The following MAD1L1 variants were observed in gnomAD, a reference collection of about 807,000 sequenced individuals.
The protein encoded by MAD1L1 is mitotic arrest deficient 1 like 1.
MAD1L1 carries 95 observed loss-of-function variants against 96.9 expected under a neutral mutation model. The ratio of observed to expected loss-of-function variants is 0.98; its 90% confidence interval spans 0.83 to 1.16. The LOEUF (loss-of-function observed/expected upper bound fraction) is 1.16. Ranked by LOEUF, MAD1L1 falls within the 50% of genes most tolerant of loss-of-function variation. The probability of loss-of-function intolerance (pLI) is 0.00; values close to 1 mark genes in which losing one functional copy is unlikely to be tolerated. For synonymous variants in MAD1L1, 473 were observed against 396.6 expected, an observed-to-expected ratio of 1.19 and a Z score of -2.29; for missense variants, 1,007 against 954.4, an observed-to-expected ratio of 1.06 and a Z score of -0.73.
chr7:2,218,050 A>T lies in MAD1L1; in HGVS notation c.597-7T>A. 1 of 1,609,616 alleles carries T rather than the reference A, an allele frequency of 6.2e-7. No individual in the cohort carries two copies. Among genetic ancestry groups the T allele is most frequent in the South Asian group, 1.1e-5 (1 of 91,002 alleles). On this transcript the variant is annotated splice_region_variant and splice_polypyrimidine_tract_variant and intron_variant, in intron 6 of 18. Coordinates refer to ENST00000265854, the MANE Select transcript of MAD1L1 (RefSeq NM_001013836.2). ...ATTGGCTTCCTGGCATTTTCTATTGAAAGAAAAATACATCACACACAGAAA... is the reference window on the plus strand; with the variant it reads ...ATTGGCTTCCTGGCATTTTCTATTGTAAGAAAAATACATCACACACAGAAA...
At chr7:1,843,751 G>C (rs1037097325) in intron 18 of MAD1L1, among the ~76,000 whole-genome samples, 2 of 152,198 alleles carry the variant, frequency 1.3e-5, no homozygotes, top group Non-Finnish European at 2.9e-5. Context: ...ACCCAGGAGA[G>C]CCCGCTGCAA....
At chr7:2,097,686 G>A (rs764033938) in intron 11 of MAD1L1, among the ~76,000 whole-genome samples, 3 of 152,192 alleles carry the variant, frequency 2.0e-5, no homozygotes, top group Non-Finnish European at 4.4e-5. Context: ...AGAAGGGCAC[G>A]CCCCTGGCAC....
At chr7:2,044,304 A>G (rs1457525548) in intron 12 of MAD1L1, among the ~76,000 whole-genome samples, 1 of 152,182 alleles carries the variant, frequency 6.6e-6, no homozygotes, top group East Asian at 1.9e-4. Context: ...GACACAGACG[A>G]ATGACTTCGG....
At chr7:2,053,414 ACTC>A (rs1277160332) in intron 12 of MAD1L1, among the ~76,000 whole-genome samples, 2 of 152,184 alleles carry the variant, frequency 1.3e-5, no homozygotes, top group African/African-American at 4.8e-5. Context: ...CCAGGCATTT[ACTC>A]AGAGCCTGCT....
intron 11 of MAD1L1, among the ~76,000 whole-genome samples, chr7:2,144,425 T>C (rs4721441): frequency 0.34 from 51,091 of 152,010 alleles, 8,930 homozygotes; most frequent in East Asian, 0.52. Flanking sequence ...CAAAGCACGG[T>C]CTTATTTCCA....
rs1012522579 is a variant in MAD1L1 at position 2,146,871 on chromosome 7, G to A, written c.1073+2281C>T. ...CGCCACGGCAGGCCGCGACGAACAC[G>A]GTGTCCCGCCACGGAAGAGAGCAGC... On this transcript the variant is annotated intron_variant, in intron 11 of 18. Transcript: ENST00000265854. The surrounding 1 kb of genome is among the most constrained non-coding windows in gnomAD (Gnocchi z 6.2). Among the ~76,000 whole-genome samples, 4 of 152,178 alleles carry A rather than the reference G, an allele frequency of 2.6e-5. No individual in the cohort carries two copies. The highest frequency in any genetic ancestry group is 7.2e-5 in the African/African-American group (3 of 41,434).
intron 10 of MAD1L1, among the ~76,000 whole-genome samples, chr7:2,207,725 T>A (rs992408682): frequency 2.0e-5 from 3 of 152,202 alleles, no homozygotes; most frequent in African/African-American, 7.2e-5. Context: ...AGCCAATTAA[T>A]GAAACCCAAG....
chr7:2,082,463 G>A (rs1281704902), intron 11 of MAD1L1, among the ~76,000 whole-genome samples: 2 of 152,168 alleles, frequency 1.3e-5, no homozygotes, highest in Admixed American at 6.5e-5. Flanking sequence ...AGCTGCTGTC[G>A]GAGCCGTGAC....
intron 16 of MAD1L1, among the ~76,000 whole-genome samples, chr7:1,956,322 C>T (rs1186116454): frequency 2.6e-5 from 4 of 152,102 alleles, no homozygotes; most frequent in East Asian, 3.9e-4. Context: ...CTCCACAGGC[C>T]GAACCCCAGT....
At chr7:2,084,799 G>A (rs527371522) in intron 11 of MAD1L1, among the ~76,000 whole-genome samples, 2 of 152,318 alleles carry the variant, frequency 1.3e-5, no homozygotes, top group Admixed American at 1.3e-4. Flanking sequence ...AAAGGAAGGA[G>A]CCGTGACAAA....
intron 1 of MAD1L1, among the ~76,000 whole-genome samples, chr7:2,232,555 G>A (rs1226910992): frequency 6.6e-6 from 1 of 152,212 alleles, no homozygotes; most frequent in Non-Finnish European, 1.5e-5. Flanking sequence ...CCGGGGCTGG[G>A]ACCACGAGCA....
At chr7:2,128,252 C>A (rs891780538) in intron 11 of MAD1L1, among the ~76,000 whole-genome samples, 1 of 152,158 alleles carries the variant, frequency 6.6e-6, no homozygotes, top group African/African-American at 2.4e-5. Context: ...GTCACTGAAT[C>A]GCATTTGTCA....
At chr7:2,101,034 C>G (rs1290005671) in intron 11 of MAD1L1, among the ~76,000 whole-genome samples, 1 of 152,240 alleles carries the variant, frequency 6.6e-6, no homozygotes, top group Non-Finnish European at 1.5e-5. Context: ...TAATTAACCA[C>G]TTTCCCCATC....
intron 10 of MAD1L1, among the ~76,000 whole-genome samples, chr7:2,159,618 CA>C (rs752265524): frequency 2.8e-4 from 43 of 152,086 alleles, no homozygotes; most frequent in Non-Finnish European, 5.0e-4. Flanking sequence ...AATACGTTTT[CA>C]ATAAATACTA....
At chr7:2,026,773 G>A (rs768464368) in intron 12 of MAD1L1, among the ~76,000 whole-genome samples, 2 of 152,162 alleles carry the variant, frequency 1.3e-5, no homozygotes, top group Non-Finnish European at 2.9e-5. Context: ...ACATCAAAAC[G>A]TACGGTATGC....
chr7:2,021,743 C>T (rs1050371554), intron 12 of MAD1L1, among the ~76,000 whole-genome samples: 1 of 151,294 alleles, frequency 6.6e-6, no homozygotes, highest in Non-Finnish European at 1.5e-5. Context: ...CCAGCCTGGG[C>T]AACAGAGTGA....
chr7:2,044,952 C>A (rs1783855816), intron 12 of MAD1L1, among the ~76,000 whole-genome samples: 1 of 152,212 alleles, frequency 6.6e-6, no homozygotes, highest in Non-Finnish European at 1.5e-5. Flanking sequence ...TGAGCAGCAG[C>A]AACCATTCTC....
At chr7:1,950,155 G>T (rs1334100836) in intron 16 of MAD1L1, among the ~76,000 whole-genome samples, 1 of 152,224 alleles carries the variant, frequency 6.6e-6, no homozygotes, top group Non-Finnish European at 1.5e-5. Flanking sequence ...AGACGCAGGG[G>T]TCTGGCAGAG....
intron 10 of MAD1L1, among the ~76,000 whole-genome samples, chr7:2,210,444 G>A (rs973479695): frequency 1.5e-4 from 21 of 138,534 alleles, no homozygotes; most frequent in East Asian, 4.2e-4. Context: ...CCGCATTCCC[G>A]TGGACTCTCT....
Sources: gnomAD v4.1 joint callset for allele counts (sites outside exome capture counted in the v4.1 genomes callset) on GRCh38, gnomAD v4.1.1 for gene constraint, Gnocchi (gnomAD v3.1) non-coding constraint, MANE v1.5 for transcripts, NCBI Gene and HGNC (gene_info 2026-07-23, HGNC 2026-07-21) for gene names.